Variants in ABAT observed in about 807,000 individuals in gnomAD.
ABAT encodes the protein 4-aminobutyrate aminotransferase.
In ABAT, 45 loss-of-function variants were observed where a neutral mutation model predicts 64.6. That is an observed-to-expected ratio of 0.70 (90% confidence interval 0.55 to 0.89). The LOEUF (loss-of-function observed/expected upper bound fraction) is 0.89. Among genes scored for constraint, ABAT ranks in the 40% least tolerant of loss-of-function variants. The pLI is 0.00. For missense variants in ABAT, 633 were observed against 658.4 expected, an observed-to-expected ratio of 0.96 and a Z score of 0.42; for synonymous variants, 297 against 250.5, an observed-to-expected ratio of 1.19 and a Z score of -1.75.
chr16:8,685,111 C>G (rs368994770), intron 1 of ABAT, among the ~76,000 whole-genome samples: 1 of 151,114 alleles, frequency 6.6e-6, no homozygotes, highest in Non-Finnish European at 1.5e-5. Context: ...ATGGTGAAAC[C>G]CTGTCTCTAC....
intron 1 of ABAT, among the ~76,000 whole-genome samples, chr16:8,727,329 T>C (rs1478560281): frequency 2.6e-5 from 4 of 152,208 alleles, no homozygotes; most frequent in Non-Finnish European, 4.4e-5. Context: ...CCAAGTGCTC[T>C]ATGATTTCTT....
At chr16:8,752,062 T>C (rs1197563948) in intron 5 of ABAT, among the ~76,000 whole-genome samples, 1 of 152,184 alleles carries the variant, frequency 6.6e-6, no homozygotes, top group African/African-American at 2.4e-5. Context: ...CATCAGCACC[T>C]CCCTTTGGAC....
rs1209653808 is a variant in ABAT, at chr16:8,757,170, T to C, written c.317-587T>C. 7.5e-6 allele frequency: 3 copies of C among 401,858 alleles called. No homozygotes were observed. In the African/African-American group the frequency reaches 8.3e-5, roughly 11 times the overall value. The allele number at this position is 401,858 out of a possible 1,614,324, so 24.9% of individuals were successfully genotyped here. On this transcript the variant is annotated intron_variant, in intron 5 of 15. Transcript: ENST00000268251. ...AAATTTTCTTGCATTTATCTCCCTT[T>C]TTATTTATTTATTTATTTAAATAGA...
chr16:8,741,086 C>T, intron 2 of ABAT, among the ~76,000 whole-genome samples: 1 of 152,242 alleles, frequency 6.6e-6, no homozygotes, highest in East Asian at 1.9e-4. Context: ...TCTGGCTTGG[C>T]ATGGCCATTG....
chr16:8,776,880 A>ATTTAT lies in ABAT; in HGVS notation c.1269+408_1269+412dup, dbSNP rs1204866977. Among the ~76,000 whole-genome samples the ATTTAT allele has an allele frequency of 5.3e-5, 8 of 150,102 alleles. No individual in the cohort carries two copies. Among genetic ancestry groups the ATTTAT allele is most frequent in the African/African-American group, 1.2e-4 (5 of 40,698 alleles). On this transcript the variant is annotated intron_variant, in intron 14 of 15. Coordinates refer to ENST00000268251, the MANE Select transcript of ABAT (RefSeq NM_020686.6). The surrounding 1 kb of genome is among the most constrained non-coding windows in gnomAD (Gnocchi z 4.4). The stretch of plus-strand genomic sequence containing the variant: ...CCTGCCGGCACTGGTTATCTTTCTT[A>ATTTAT]TTTATTTTATTTTATTTTATTTGTC...
intron 1 of ABAT, among the ~76,000 whole-genome samples, chr16:8,681,457 A>ACT (rs1555482924): frequency 2.0e-4 from 16 of 80,978 alleles, no homozygotes; most frequent in African/African-American, 5.8e-4. Flanking sequence ...CAGCCTCTAC[A>ACT]CTTTTTTTTT....
chr16:8,689,751 C>T (rs2057538206), intron 1 of ABAT, among the ~76,000 whole-genome samples: 1 of 152,122 alleles, frequency 6.6e-6, no homozygotes, highest in Non-Finnish European at 1.5e-5. Context: ...ATGAAGGAAT[C>T]AGAAGCAAGG....
At chr16:8,774,221 C>T (rs767962539) in intron 12 of ABAT, among the ~76,000 whole-genome samples, 1 of 152,100 alleles carries the variant, frequency 6.6e-6, no homozygotes, top group African/African-American at 2.4e-5. Flanking sequence ...TGAGAGCCAC[C>T]GCGCCTTGCC....
At chr16:8,678,609 T>G (rs1262335806) in intron 1 of ABAT, among the ~76,000 whole-genome samples, 1 of 152,232 alleles carries the variant, frequency 6.6e-6, no homozygotes, top group Non-Finnish European at 1.5e-5. Context: ...CTTTCGAAAC[T>G]TCAATGGCAT....
intron 10 of ABAT, among the ~76,000 whole-genome samples, 159 bp from the exon 11 acceptor site, chr16:8,768,666 A>C (rs1164533348): frequency 1.3e-5 from 2 of 152,184 alleles, no homozygotes; most frequent in African/African-American, 4.8e-5. Context: ...ACCCAGAAAA[A>C]TTAAAAATTA....
At chr16:8,736,212 A>T (rs534930283) in intron 2 of ABAT, 1 of 194,060 alleles carries the variant, frequency 5.2e-6, no homozygotes, top group African/African-American at 2.6e-5. Context: ...CCCATGATTC[A>T]ATTACCTCCC....
At chr16:8,757,214 C>G (rs1567306525) in intron 5 of ABAT, 1 of 451,078 alleles carries the variant, frequency 2.2e-6, no homozygotes, top group Middle Eastern at 6.6e-4. Context: ...GTCACCCAGG[C>G]TGGAGTGCAG....
At chr16:8,690,244 G>A (rs2057549578) in intron 1 of ABAT, among the ~76,000 whole-genome samples, 1 of 152,192 alleles carries the variant, frequency 6.6e-6, no homozygotes, top group Non-Finnish European at 1.5e-5. Context: ...TCCCCAGCCT[G>A]GCGAGTGTCT....
At chr16:8,743,464 T>C in intron 2 of ABAT, among the ~76,000 whole-genome samples, 1 of 128,686 alleles carries the variant, frequency 7.8e-6, no homozygotes, top group Admixed American at 7.9e-5. Context: ...TTATAATATA[T>C]TATATAATAT....
rs2058763159 is a variant in ABAT at position 8,732,586 on chromosome 16, C to T, written c.-41-3113C>T. Among the ~76,000 whole-genome samples, 4 of 151,622 alleles carry T rather than the reference C, an allele frequency of 2.6e-5. No homozygotes were observed. In the South Asian group the frequency reaches 6.2e-4, roughly 24 times the overall value. On this transcript the variant is annotated intron_variant, in intron 1 of 15. Coordinates refer to ENST00000268251, the MANE Select transcript of ABAT (RefSeq NM_020686.6). ...CCCAAGGCAGAAGAAGTTTTCTTAG[C>T]ACAGAACAAAATGAAAAGTCTCCCA... is the stretch of plus-strand genomic sequence containing the variant.
At chr16:8,741,076 T>C (rs1396739518) in intron 2 of ABAT, among the ~76,000 whole-genome samples, 1 of 152,204 alleles carries the variant, frequency 6.6e-6, no homozygotes, top group East Asian at 1.9e-4. Flanking sequence ...AAAAATAGAC[T>C]CTGGCTTGGC....
chr16:8,761,719 A>T (rs2059802867), intron 6 of ABAT, among the ~76,000 whole-genome samples: 1 of 152,204 alleles, frequency 6.6e-6, no homozygotes, highest in African/African-American at 2.4e-5. Flanking sequence ...ACTGGCTGAC[A>T]TCTTGGGTCT....
At position 8,781,436 on chromosome 16, in the gene ABAT, C is replaced by G; in HGVS notation, c.*6C>G. The stretch of plus-strand genomic sequence containing the variant: ...TCTTAGCAGACTTCAAGTAAAGAAG[C>G]CATTTCCACTACAGTGAGAAAGCCC... On this transcript the variant is annotated 3_prime_UTR_variant, in exon 16 of 16. Coordinates refer to ENST00000268251, the MANE Select transcript of ABAT (RefSeq NM_020686.6). This position sits in a 1 kb window ranked among gnomAD's most constrained non-coding sequence, Gnocchi z 4.5. 6.2e-7 allele frequency: 1 copy of G among 1,614,150 alleles called. No homozygotes were observed. Among genetic ancestry groups the G allele is most frequent in the South Asian group, 1.1e-5 (1 of 91,080 alleles).
chr16:8,778,206 G>C (rs993865330), intron 14 of ABAT, among the ~76,000 whole-genome samples: 1 of 152,160 alleles, frequency 6.6e-6, no homozygotes, highest in Non-Finnish European at 1.5e-5. Context: ...TTCCTTGTCT[G>C]CTGTAAAAAA....
Sources: gnomAD v4.1 joint callset for allele counts (sites outside exome capture counted in the v4.1 genomes callset) on GRCh38, gnomAD v4.1.1 for gene constraint, Gnocchi (gnomAD v3.1) non-coding constraint, MANE v1.5 for transcripts, NCBI Gene and HGNC (gene_info 2026-07-23, HGNC 2026-07-21) for gene names.